RAD51B: variants seen among roughly 807,000 people sequenced by gnomAD.
RAD51B encodes the protein DNA repair protein RAD51 homolog 2.
Under a neutral mutation model 42.2 loss-of-function variants are expected in RAD51B, and 38 were observed. The ratio of observed to expected loss-of-function variants is 0.90; its 90% confidence interval spans 0.70 to 1.18. RAD51B has a LOEUF of 1.18. RAD51B is among the 50% of genes most tolerant of loss of function. The pLI, the probability that RAD51B is intolerant of heterozygous loss-of-function variation, is 0.00. For missense variants in RAD51B, 373 were observed against 400.7 expected (o/e 0.93, Z 0.59); for synonymous variants, 154 against 145.2 (o/e 1.06, Z -0.43).
intron 8 of RAD51B, among the ~76,000 whole-genome samples, chr14:68,347,930 A>G (rs7149396): frequency 0.68 from 103,755 of 152,022 alleles, 35,561 homozygotes; most frequent in Non-Finnish European, 0.72. Flanking sequence ...CTACCCCAGG[A>G]CAGAGATGAA....
At chr14:68,417,791 A>G (rs1566871463) in intron 9 of RAD51B, among the ~76,000 whole-genome samples, 1 of 152,204 alleles carries the variant, frequency 6.6e-6, no homozygotes, top group African/African-American at 2.4e-5. Flanking sequence ...CAAGCAAACC[A>G]TGGGACTCCC....
intron 10 of RAD51B, among the ~76,000 whole-genome samples, chr14:68,546,486 A>C (rs183392668): frequency 6.6e-6 from 1 of 152,216 alleles, no homozygotes; most frequent in East Asian, 1.9e-4. Context: ...TTGGACATGT[A>C]TGATTTGAGA....
chr14:67,881,953 G>T (rs979522841), intron 5 of RAD51B, among the ~76,000 whole-genome samples: 2 of 151,992 alleles, frequency 1.3e-5, no homozygotes, highest in Admixed American at 6.6e-5. Context: ...ACTTTTTCTT[G>T]AAAAGCTCTC....
intron 8 of RAD51B, chr14:68,339,117 G>T: frequency 1.4e-6 from 1 of 696,594 alleles, no homozygotes; most frequent in South Asian, 1.5e-5. Context: ...GTTAACTCCT[G>T]CTCGAAGGAC....
At chr14:68,379,983 C>T (rs1035781290) in intron 8 of RAD51B, among the ~76,000 whole-genome samples, 1 of 152,184 alleles carries the variant, frequency 6.6e-6, no homozygotes, top group Non-Finnish European at 1.5e-5. Flanking sequence ...TATTGTCATA[C>T]GATTGCATTG....
chr14:68,088,763 A>G (rs1417835749), intron 7 of RAD51B, among the ~76,000 whole-genome samples: 2 of 152,018 alleles, frequency 1.3e-5, no homozygotes, highest in African/African-American at 4.8e-5. Flanking sequence ...GCATGAGAGA[A>G]GCTTCAGATG....
At chr14:68,131,527 C>G (rs1403846999) in intron 7 of RAD51B, among the ~76,000 whole-genome samples, 1 of 152,098 alleles carries the variant, frequency 6.6e-6, no homozygotes, top group Non-Finnish European at 1.5e-5. Flanking sequence ...GAAACCCTGC[C>G]TCCACTAAAA....
chr14:68,476,306 A>G (rs1199479065), intron 10 of RAD51B, among the ~76,000 whole-genome samples: 1 of 152,156 alleles, frequency 6.6e-6, no homozygotes, highest in African/African-American at 2.4e-5. Context: ...ACAGAAGCCA[A>G]TTTCTTTTGC....
chr14:68,653,350 G>A (rs553668416), intron 11 of RAD51B, among the ~76,000 whole-genome samples: 7 of 152,034 alleles, frequency 4.6e-5, no homozygotes, highest in African/African-American at 1.5e-4. Flanking sequence ...CCCCAGCCTG[G>A]GCAACATAGC....
intron 10 of RAD51B, among the ~76,000 whole-genome samples, chr14:68,533,184 T>C (rs2140353378): frequency 6.6e-6 from 1 of 152,316 alleles, no homozygotes; most frequent in Admixed American, 6.5e-5. Flanking sequence ...AGGAAAATTA[T>C]TATAAATAAT....
intron 7 of RAD51B, among the ~76,000 whole-genome samples, chr14:68,126,347 C>CA (rs1041521567): frequency 6.3e-4 from 95 of 151,246 alleles, no homozygotes; most frequent in African/African-American, 2.1e-3. Context: ...TTGTGTATGC[C>CA]AAAAAAAAGT....
At position 67,936,182 on chromosome 14, in the gene RAD51B, A is replaced by G. The variant is rs140117759; in HGVS notation, c.756+48978A>G. 1.1e-4 allele frequency among the ~76,000 whole-genome samples: 17 copies of G among 152,300 alleles called. No individual in the cohort carries two copies. In the East Asian group the frequency reaches 2.1e-3, roughly 19 times the overall value. On this transcript the variant is annotated intron_variant, in intron 7 of 10. Transcript: ENST00000471583. ...TGACAGATTGTGCAACGATCACCAC[A>G]GTCTAATTCCAAAACATTTCACCAC...
At position 67,869,519 on chromosome 14, in the gene RAD51B, A is replaced by G. The variant is rs1030374696; in HGVS notation, c.452+4380A>G. ...CAAGTTGGAAAACACTCTGCAGGAT[A>G]TTATCCAGGAGAACTTCCCCAATCT... On this transcript the variant is annotated intron_variant, in intron 5 of 10. Coordinates refer to ENST00000471583, the MANE Select transcript of RAD51B (RefSeq NM_133510.4). 5.3e-5 allele frequency among the ~76,000 whole-genome samples: 8 copies of G among 152,216 alleles called. No individual in the cohort carries two copies. The South Asian group carries it at 8.3e-4, about 16-fold the overall frequency.
chr14:68,017,896 G>A (rs1245503408), intron 7 of RAD51B, among the ~76,000 whole-genome samples: 2 of 152,012 alleles, frequency 1.3e-5, no homozygotes, highest in Admixed American at 6.6e-5. Flanking sequence ...ACTTGAACCC[G>A]GGAGGCGGAG....
intron 7 of RAD51B, among the ~76,000 whole-genome samples, chr14:67,929,352 G>C (rs1200208080): frequency 6.6e-6 from 1 of 151,962 alleles, no homozygotes; most frequent in Non-Finnish European, 1.5e-5. Context: ...TTGACCCAGT[G>C]GTCACTCAGG....
At chr14:67,880,972 CTACAGTGTACT>C (rs1443401719) in intron 5 of RAD51B, among the ~76,000 whole-genome samples, 1 of 152,120 alleles carries the variant, frequency 6.6e-6, no homozygotes, top group African/African-American at 2.4e-5. Flanking sequence ...TATGAACACC[CTACAGTGTACT>C]TACATGCACC....
intron 10 of RAD51B, among the ~76,000 whole-genome samples, chr14:68,547,035 A>AT (rs1236633635): frequency 3.9e-5 from 6 of 152,008 alleles, no homozygotes; most frequent in Non-Finnish European, 7.4e-5. Flanking sequence ...GCTTGGAAAC[A>AT]TTTTTTTTGT....
At chr14:68,459,638 A>G (rs769319391) in intron 9 of RAD51B, among the ~76,000 whole-genome samples, 3 of 152,232 alleles carry the variant, frequency 2.0e-5, no homozygotes, top group Non-Finnish European at 4.4e-5. Flanking sequence ...ATCATGAGGG[A>G]GACTGAGACA....
At chr14:68,468,080 G>T in intron 9 of RAD51B, 92 bp from the exon 10 acceptor site, 1 of 1,062,540 alleles carries the variant, frequency 9.4e-7, no homozygotes, top group Non-Finnish European at 1.5e-6. Flanking sequence ...ACAGTCCTAT[G>T]TTACCACTTT....
Sources: allele counts gnomAD v4.1 joint callset (sites outside exome capture counted in the v4.1 genomes callset), GRCh38; gene constraint gnomAD v4.1.1; transcripts MANE v1.5; gene names NCBI Gene and HGNC (gene_info 2026-07-23, HGNC 2026-07-21).